PPFIA2: variants seen among roughly 807,000 people sequenced by gnomAD.
PPFIA2 encodes the protein liprin-alpha-2.
A neutral mutation model predicts 175.5 loss-of-function variants in PPFIA2; 46 were observed. The ratio of observed to expected loss-of-function variants is 0.26; its 90% CI spans 0.21 to 0.34. PPFIA2 has a LOEUF of 0.34. PPFIA2 is among the 10% of genes least tolerant of loss of function. PPFIA2 has a pLI of 1.00. For synonymous variants in PPFIA2, 568 were observed against 511.4 expected (o/e 1.11, Z -1.49); for missense variants, 1,179 against 1,506.1 (o/e 0.78, Z 3.60).
At chr12:81,580,708 G>C (rs2074273130) in intron 4 of PPFIA2, among the ~76,000 whole-genome samples, 2 of 151,568 alleles carry the variant, frequency 1.3e-5, no homozygotes, top group Admixed American at 1.3e-4. Context: ...TATCCTGTTA[G>C]ATACTTCATA....
At chr12:81,560,781 TA>T (rs2069885563) in intron 4 of PPFIA2, among the ~76,000 whole-genome samples, 1 of 152,158 alleles carries the variant, frequency 6.6e-6, no homozygotes, top group Admixed American at 6.5e-5. Flanking sequence ...TCAGCTCTAG[TA>T]CAGGTGCCTC....
chr12:81,631,885 G>C (rs1322711378), intron 4 of PPFIA2, among the ~76,000 whole-genome samples: 2 of 152,112 alleles, frequency 1.3e-5, no homozygotes, highest in African/African-American at 2.4e-5. Flanking sequence ...TGCCTTTAGT[G>C]ACTTGGCATG....
At chr12:81,712,816 T>C (rs947373489) in intron 3 of PPFIA2, among the ~76,000 whole-genome samples, 5 of 150,846 alleles carry the variant, frequency 3.3e-5, no homozygotes, top group Non-Finnish European at 5.9e-5. Flanking sequence ...TGTCTTTAAC[T>C]TGGATTATGG....
At chr12:81,536,358 CT>C (rs1461909834) in intron 4 of PPFIA2, among the ~76,000 whole-genome samples, 3 of 151,496 alleles carry the variant, frequency 2.0e-5, no homozygotes, top group Non-Finnish European at 4.4e-5. Context: ...TTATCTGAAA[CT>C]TTTATGGTGC....
chr12:81,329,629 C>T (rs1471948721), intron 21 of PPFIA2, among the ~76,000 whole-genome samples: 1 of 152,176 alleles, frequency 6.6e-6, no homozygotes, highest in Non-Finnish European at 1.5e-5. Context: ...AAAACAGGGT[C>T]AGACCACTGT....
At chr12:81,490,109 A>T (rs917853569) in intron 4 of PPFIA2, among the ~76,000 whole-genome samples, 1 of 151,916 alleles carries the variant, frequency 6.6e-6, no homozygotes, top group Non-Finnish European at 1.5e-5. Flanking sequence ...TACATGGCTG[A>T]TGTTGAATTA....
chr12:81,456,424 A>G (rs2053580551), intron 5 of PPFIA2, among the ~76,000 whole-genome samples: 1 of 152,204 alleles, frequency 6.6e-6, no homozygotes, highest in Non-Finnish European at 1.5e-5. Context: ...ACCTTGATAA[A>G]TAAGGACATA....
chr12:81,639,183 A>T (rs2064583958), intron 4 of PPFIA2, among the ~76,000 whole-genome samples: 1 of 152,208 alleles, frequency 6.6e-6, no homozygotes, highest in South Asian at 2.1e-4. Context: ...TCTCTCATGA[A>T]GAAACAAAAT....
At chr12:81,396,145 ATAAAGT>A (rs1322516428) in intron 8 of PPFIA2, among the ~76,000 whole-genome samples, 3 of 152,064 alleles carry the variant, frequency 2.0e-5, no homozygotes, top group African/African-American at 7.2e-5. Flanking sequence ...ATCAAGATTT[ATAAAGT>A]TAATCATTAA....
At chr12:81,682,802 A>T (rs2073864476) in intron 3 of PPFIA2, among the ~76,000 whole-genome samples, 1 of 151,926 alleles carries the variant, frequency 6.6e-6, no homozygotes, top group South Asian at 2.1e-4. Flanking sequence ...AACTCCTCTT[A>T]TCAAGGTTGC....
intron 10 of PPFIA2, 28 bp from the exon 11 acceptor site, chr12:81,374,796 T>C (rs771958909): frequency 5.0e-6 from 8 of 1,596,024 alleles, no homozygotes; most frequent in Non-Finnish European, 6.0e-6. Context: ...GCAGAGACAC[T>C]TAAAGAGTCA....
chr12:81,489,490 T>G (rs1436401186), intron 4 of PPFIA2, among the ~76,000 whole-genome samples: 3 of 151,884 alleles, frequency 2.0e-5, no homozygotes, highest in Non-Finnish European at 4.4e-5. Flanking sequence ...CATTAGACAG[T>G]TTTGATTATG....
chr12:81,346,058 T>C (rs1035983253), intron 18 of PPFIA2, among the ~76,000 whole-genome samples: 3 of 152,054 alleles, frequency 2.0e-5, no homozygotes, highest in Non-Finnish European at 4.4e-5. Flanking sequence ...GTCTTCTTTT[T>C]AAAAAAAATT....
At chr12:81,380,438 T>C (rs1435862705) in intron 9 of PPFIA2, among the ~76,000 whole-genome samples, 1 of 152,128 alleles carries the variant, frequency 6.6e-6, no homozygotes, top group Non-Finnish European at 1.5e-5. Context: ...TGACTCTATG[T>C]GACCATAACC....
intron 27 of PPFIA2, among the ~76,000 whole-genome samples, chr12:81,278,755 G>T (rs1312677237): frequency 2.0e-5 from 3 of 152,144 alleles, no homozygotes; most frequent in Admixed American, 6.5e-5. Context: ...GTATAAAGAT[G>T]CAGAAGATGT....
intron 3 of PPFIA2, among the ~76,000 whole-genome samples, chr12:81,732,270 T>C (rs1357172135): frequency 6.6e-6 from 1 of 151,620 alleles, no homozygotes; most frequent in African/African-American, 2.4e-5. Context: ...ATTTAAATAA[T>C]TGCTAATAGC....
intron 3 of PPFIA2, among the ~76,000 whole-genome samples, chr12:81,687,824 A>G (rs2074655448): frequency 6.6e-6 from 1 of 151,908 alleles, no homozygotes; most frequent in Non-Finnish European, 1.5e-5. Flanking sequence ...CTTACAGTAA[A>G]CAATATTAAT....
intron 4 of PPFIA2, among the ~76,000 whole-genome samples, chr12:81,515,693 C>A (rs1260243516): frequency 7.9e-5 from 12 of 152,060 alleles, no homozygotes; most frequent in Admixed American, 7.2e-4. Flanking sequence ...ACCTCCCCCA[C>A]ATTTTCTCTT....
At chr12:81,544,751 C>T (rs1460342364) in intron 4 of PPFIA2, among the ~76,000 whole-genome samples, 1 of 152,194 alleles carries the variant, frequency 6.6e-6, no homozygotes, top group East Asian at 1.9e-4. Flanking sequence ...TCCATCAGCA[C>T]ACAATTATTC....
Sources: allele counts gnomAD v4.1 joint callset (sites outside exome capture counted in the v4.1 genomes callset), GRCh38; gene constraint gnomAD v4.1.1; transcripts MANE v1.5; gene names NCBI Gene and HGNC (gene_info 2026-07-23, HGNC 2026-07-21).